ADD1: variants seen among roughly 807,000 people sequenced by gnomAD.
ADD1 encodes the protein alpha-adducin.
A neutral mutation model predicts 80.5 loss-of-function variants in ADD1; 24 were observed. That is an observed-to-expected ratio of 0.30 (90% CI 0.22 to 0.42). The LOEUF (loss-of-function observed/expected upper bound fraction) is 0.42. Among genes scored for constraint, ADD1 ranks in the 10% least tolerant of loss-of-function variants. The probability of loss-of-function intolerance (pLI) is 1.00; values close to 1 mark genes in which losing one functional copy is unlikely to be tolerated. For synonymous variants in ADD1, 373 were observed against 393.8 expected, an observed-to-expected ratio of 0.95 and a Z score of 0.63; for missense variants, 948 against 1,019.0, an observed-to-expected ratio of 0.93 and a Z score of 0.95.
chr4:2,915,953 C>G, intron 14 of ADD1, among the ~76,000 whole-genome samples: 1 of 152,086 alleles, frequency 6.6e-6, no homozygotes, highest in East Asian at 1.9e-4. Context: ...GCCCCTCTGC[C>G]AAAACGAGGC....
In ADD1 at chr4:2,930,055, T is replaced by G. The variant is rs1712785952; in HGVS notation, c.*1532T>G. The G allele has an allele frequency of 6.6e-6, 1 of 152,500 alleles. No individual in the cohort carries two copies. Among genetic ancestry groups the G allele is most frequent in the African/African-American group, 2.4e-5 (1 of 41,476 alleles). 9.4% of individuals were successfully genotyped at this position (152,500 alleles called of 1,614,324 possible). On this transcript the variant is annotated 3_prime_UTR_variant, in exon 16 of 16. Transcript: ENST00000683351. The stretch of plus-strand genomic sequence containing the variant: ...ATGTTTTACTCACAAATAAAATTCT[T>G]TCAGCAAGTTCCTTGTCTAAATCTG...
chr4:2,873,070 G>A (rs1730710375), intron 1 of ADD1, among the ~76,000 whole-genome samples: 1 of 151,892 alleles, frequency 6.6e-6, no homozygotes, highest in African/African-American at 2.4e-5. Flanking sequence ...TCAGCTCACT[G>A]CAAACTTTGC....
chr4:2,890,016 T>C (rs1426710800), intron 4 of ADD1, among the ~76,000 whole-genome samples: 3 of 151,790 alleles, frequency 2.0e-5, no homozygotes, highest in African/African-American at 7.3e-5. Flanking sequence ...GTGGCCAACA[T>C]GTGAAACTCC....
intron 6 of ADD1, among the ~76,000 whole-genome samples, chr4:2,895,072 C>T (rs139717305): frequency 0.014 from 2,115 of 152,004 alleles, 53 homozygotes; most frequent in African/African-American, 0.047. Flanking sequence ...CCAGCCTGGG[C>T]AACATAGTGA....
intron 13 of ADD1, among the ~76,000 whole-genome samples, chr4:2,913,005 T>A (rs1322429477): frequency 1.3e-5 from 2 of 152,038 alleles, no homozygotes; most frequent in Non-Finnish European, 2.9e-5. Context: ...CTACCACGCC[T>A]GGTTAATTTT....
intron 13 of ADD1, among the ~76,000 whole-genome samples, chr4:2,914,356 A>G (rs776979080): frequency 2.6e-5 from 4 of 152,184 alleles, no homozygotes; most frequent in Admixed American, 1.3e-4. Flanking sequence ...GCATGTTGTC[A>G]TCTCGGAATG....
chr4:2,928,017 CAGTAG>C (rs1712173271), intron 15 of ADD1, among the ~76,000 whole-genome samples, 149 bp from the exon 16 acceptor site: 3 of 152,142 alleles, frequency 2.0e-5, no homozygotes, highest in Non-Finnish European at 4.4e-5. Flanking sequence ...TCCAGCCGTA[CAGTAG>C]AGTAGACCAT....
At chr4:2,873,430 A>G (rs1730765813) in intron 1 of ADD1, among the ~76,000 whole-genome samples, 1 of 152,254 alleles carries the variant, frequency 6.6e-6, no homozygotes. Flanking sequence ...CAGAATGTGT[A>G]TACTTTCATT....
intron 1 of ADD1, among the ~76,000 whole-genome samples, chr4:2,874,654 C>T (rs1236498904): frequency 6.6e-6 from 1 of 150,472 alleles, no homozygotes; most frequent in Admixed American, 6.6e-5. Context: ...ATATTTTTAT[C>T]TTATCTTTAC....
chr4:2,881,912 A>G lies in ADD1; in HGVS notation c.210A>G (p.Glu70=). Residue 70 remains glutamate (E), a synonymous_variant, in exon 3 of 16, where the codon GAA becomes GAG. Coordinates refer to ENST00000683351, the MANE Select transcript of ADD1 (RefSeq NM_001354761.2). ...TTTTTTATTAGGCTTTCTGTGAAGAATTGGAATCAATGATACAGGAGCAAT... is the reference window on the plus strand; with the variant it reads ...TTTTTTATTAGGCTTTCTGTGAAGAGTTGGAATCAATGATACAGGAGCAAT... The part of the protein sequence containing the change: ...MILQSPAFCE[E]LESMIQEQFK... 6.3e-7 allele frequency: 1 copy of G among 1,596,034 alleles called. No homozygotes were observed. Among genetic ancestry groups the G allele is most frequent in the Non-Finnish European group, 8.5e-7 (1 of 1,175,060 alleles).
intron 1 of ADD1, among the ~76,000 whole-genome samples, chr4:2,864,457 T>G (rs1220934041): frequency 6.6e-6 from 1 of 152,190 alleles, no homozygotes; most frequent in Non-Finnish European, 1.5e-5. Context: ...ATTTATATTG[T>G]AAAATATAAA....
At chr4:2,884,022 A>C (rs1732838342) in intron 3 of ADD1, among the ~76,000 whole-genome samples, 1 of 152,162 alleles carries the variant, frequency 6.6e-6, no homozygotes, top group Non-Finnish European at 1.5e-5. Flanking sequence ...CTAGAGGTTT[A>C]TCTTATTTTA....
rs373213836 is a variant in ADD1, at chr4:2,871,004, T to C, written c.-20-4892T>C. 7.9e-5 allele frequency among the ~76,000 whole-genome samples: 12 copies of C among 151,602 alleles called. No individual in the cohort carries two copies. The East Asian group carries it at 2.1e-3, about 27-fold the overall frequency. On this transcript the variant is annotated intron_variant, in intron 1 of 15. Coordinates refer to ENST00000683351, the MANE Select transcript of ADD1 (RefSeq NM_001354761.2). The stretch of plus-strand genomic sequence containing the variant: ...TTTTTTTTGAGCTGGAGTCTCGCTC[T>C]GTCACCCAGGTTGGAGTGCAGTGGC...
chr4:2,920,024 T>A (rs538187306), intron 14 of ADD1, among the ~76,000 whole-genome samples: 1 of 152,386 alleles, frequency 6.6e-6, no homozygotes, highest in Admixed American at 6.5e-5. Flanking sequence ...GTCCCAGAGA[T>A]TCTGGTACGC....
rs770915496 is a variant in ADD1 at position 2,876,016 on chromosome 4, A to G, written c.101A>G (p.Glu34Gly). ...GACCGAGTAGATGAGAACAACCCAG[A>G]GTACTTGAGGGAGAGGAACATGGCA... ...YFDRVDENNP[E>G]YLRERNMAPD... Residue 34 changes from glutamate to glycine, a missense_variant, in exon 2 of 16, where the codon GAG (glutamate) becomes GGG (glycine). Transcript: ENST00000683351. The G allele has an allele frequency of 3.7e-6, 6 of 1,614,012 alleles. No homozygotes were observed. In the South Asian group the frequency reaches 6.6e-5, roughly 18 times the overall value.
In ADD1 at chr4:2,926,543, C is replaced by T. The variant is rs34060371; in HGVS notation, c.2047+431C>T. On this transcript the variant is annotated intron_variant, in intron 15 of 15. Coordinates refer to ENST00000683351, the MANE Select transcript of ADD1 (RefSeq NM_001354761.2). The surrounding 1 kb of genome is among the most constrained non-coding windows in gnomAD (Gnocchi z 5.0). ...GTACATCCATGTCTCTCGTGAAGCCCGTGGCCCTGCCTTTCTTCTTCTGTA... is the reference window on the plus strand; with the variant it reads ...GTACATCCATGTCTCTCGTGAAGCCTGTGGCCCTGCCTTTCTTCTTCTGTA... The T allele has an allele frequency of 1.7e-5, 22 of 1,323,608 alleles. No homozygotes were observed. In the African/African-American group the frequency reaches 2.0e-4, roughly 12 times the overall value. The allele number at this position is 1,323,608 out of a possible 1,614,324, so 82.0% of individuals were successfully genotyped here.
At chr4:2,894,259 T>A (rs1441565243) in intron 5 of ADD1, among the ~76,000 whole-genome samples, 166 bp downstream of exon 5, 4 of 152,248 alleles carry the variant, frequency 2.6e-5, no homozygotes, top group Non-Finnish European at 5.9e-5. Flanking sequence ...ACAAATATTG[T>A]AATCTTGAGT....
At position 2,923,376 on chromosome 4, in the gene ADD1, C is replaced by G. The variant is rs529076303; in HGVS notation, c.1949-2638C>G. Among the ~76,000 whole-genome samples, 19 of 152,294 alleles carry G rather than the reference C, an allele frequency of 1.2e-4. No individual in the cohort carries two copies. In the South Asian group the frequency reaches 3.9e-3, roughly 32 times the overall value. ...TCAAGCCACAGTCCCTCATGGCTTC[C>G]CTTGGCTAGATGAGGGAGTTCCCCG... On this transcript the variant is annotated intron_variant, in intron 14 of 15. Transcript: ENST00000683351.
chr4:2,852,171 T>C (rs1451701196), intron 1 of ADD1, among the ~76,000 whole-genome samples: 3 of 72,144 alleles, frequency 4.2e-5, no homozygotes, highest in Non-Finnish European at 7.8e-5. Flanking sequence ...TCTTTCTTTC[T>C]TTCTTTCTTT....
Sources: gnomAD v4.1 joint callset for allele counts (sites outside exome capture counted in the v4.1 genomes callset) on GRCh38, gnomAD v4.1.1 for gene constraint, Gnocchi (gnomAD v3.1) non-coding constraint, MANE v1.5 for transcripts, NCBI Gene and HGNC (gene_info 2026-07-23, HGNC 2026-07-21) for gene names.